Variants in NLRX1 observed in about 807,000 individuals in gnomAD.
NLRX1 encodes the protein NOD-like receptor X1.
Under a neutral mutation model 74.2 loss-of-function variants are expected in NLRX1, and 67 were observed. That is an observed-to-expected ratio of 0.90 (90% CI 0.74 to 1.11). The LOEUF is 1.11. Ranked by LOEUF, NLRX1 falls within the 50% of genes least tolerant of loss-of-function variation. NLRX1 has a pLI of 0.00. For missense variants in NLRX1, 1,191 were observed against 1,305.4 expected (o/e 0.91, Z 1.35); for synonymous variants, 506 against 559.1 (o/e 0.91, Z 1.34).
intron 1 of NLRX1, among the ~76,000 whole-genome samples, chr11:119,170,039 T>C (rs1195518520): frequency 7.6e-6 from 1 of 131,534 alleles, no homozygotes; most frequent in Non-Finnish European, 1.6e-5. Flanking sequence ...AAAAAATTGG[T>C]TGGGACTCTA....
Position 119,174,493 on chromosome 11 carries a change from G to A in NLRX1, c.890G>A (p.Arg297His), listed in dbSNP as rs750925908. The A allele has an allele frequency of 1.9e-5, 30 of 1,614,022 alleles. No individual in the cohort carries two copies. Among genetic ancestry groups the A allele is most frequent in the South Asian group, 4.4e-5 (4 of 91,088 alleles). Residue 297 changes from arginine to histidine, a missense_variant, in exon 6 of 10, where the codon CGT becomes CAT. Transcript: ENST00000409109. ...ACCACTCGGCCCTCTGCCATTGGCC[G>A]TATCCCCAGCAAGTACGTGGGCCGC... ...LVTTRPSAIG[R>H]IPSKYVGRYG...
chr11:119,180,052 C>A lies in NLRX1; in HGVS notation c.2031C>A (p.Asp677Glu). Reference sequence around the variant, plus strand: ...TGCTGCCCCCATCAGAGCTCCTTGACCACCTCTTCTTCCACTATGAGTTCC... The same window carrying A: ...TGCTGCCCCCATCAGAGCTCCTTGAACACCTCTTCTTCCACTATGAGTTCC... ...RQVLPPSELL[D>E]HLFFHYEFQN... is the part of the protein sequence containing the mutation. The change falls in exon 7 of 10, where the codon GAC becomes GAA. Residue 677 changes from aspartate (D) to glutamate (E), a missense_variant. Transcript: ENST00000409109. The A allele has an allele frequency of 6.2e-7, 1 of 1,613,652 alleles. No homozygotes were observed. The highest frequency in any genetic ancestry group is 8.5e-7 in the Non-Finnish European group (1 of 1,180,020).
Position 119,182,165 on chromosome 11 carries a change from T to C in NLRX1, c.2426T>C (p.Val809Ala). The C allele has an allele frequency of 6.2e-7, 1 of 1,614,112 alleles. No homozygotes were observed. The highest frequency in any genetic ancestry group is 8.5e-7 in the Non-Finnish European group (1 of 1,180,032). Residue 809 changes from valine to alanine, a missense_variant, in exon 9 of 10, where the codon GTG becomes GCG. Transcript: ENST00000409109. ...LMEGLAGNTS[V>A]THLSLLHTGL... ...GAGGGGCTGGCAGGAAACACCTCAGTGACGCACCTGTCCCTGCTGCACACG... is the reference window on the plus strand; with the variant it reads ...GAGGGGCTGGCAGGAAACACCTCAGCGACGCACCTGTCCCTGCTGCACACG...
Position 119,184,000 on chromosome 11 carries a change from C to A in NLRX1, c.*561C>A, listed in dbSNP as rs369597533. The A allele has an allele frequency of 5.5e-4, 408 of 737,998 alleles. No individual in the cohort carries two copies. The highest frequency in any genetic ancestry group is 9.3e-4 in the Non-Finnish European group (366 of 393,594). 45.7% of individuals were successfully genotyped at this position (737,998 alleles called of 1,614,324 possible). On this transcript the variant is annotated 3_prime_UTR_variant, in exon 10 of 10. Transcript: ENST00000409109. This position sits in a 1 kb window ranked among gnomAD's most constrained non-coding sequence, Gnocchi z 5.7. ...ACCTGACTTGCTGCTATTAAAAAGCCGTGTGCCTTCTACCAATTGTGGCCT... is the reference window on the plus strand; with the variant it reads ...ACCTGACTTGCTGCTATTAAAAAGCAGTGTGCCTTCTACCAATTGTGGCCT...
Position 119,173,195 on chromosome 11 carries a change from G to A in NLRX1, c.229+206G>A. 2 of 614,742 alleles carry A rather than the reference G, an allele frequency of 3.3e-6. No individual in the cohort carries two copies. Among genetic ancestry groups the A allele is most frequent in the Non-Finnish European group, 2.9e-6 (1 of 347,290 alleles). The allele number at this position is 614,742 out of a possible 1,614,324, so 38.1% of individuals were successfully genotyped here. Reference sequence around the variant, plus strand: ...CACTTATATGTACAAAGCGCTAGGAGAGCCATACCATCCCTATGCTCAACA... The same window carrying A: ...CACTTATATGTACAAAGCGCTAGGAAAGCCATACCATCCCTATGCTCAACA... On this transcript the variant is annotated intron_variant, in intron 4 of 9. Coordinates refer to ENST00000409109, the MANE Select transcript of NLRX1 (RefSeq NM_001282144.2). The surrounding 1 kb of genome is among the most constrained non-coding windows in gnomAD (Gnocchi z 4.0).
chr11:119,182,214 G>T lies in NLRX1; in HGVS notation c.2475G>T (p.Glu825Asp), dbSNP rs1475540784. The T allele has an allele frequency of 2.0e-5, 33 of 1,613,894 alleles. No homozygotes were observed. Among genetic ancestry groups the T allele is most frequent in the Non-Finnish European group, 2.7e-5 (32 of 1,180,044 alleles). Residue 825 changes from glutamate (E) to aspartate (D), a missense_variant, in exon 9 of 10, where the codon GAG (glutamate) becomes GAT (aspartate). Glu to Asp is a conservative substitution (Grantham distance 45). Transcript: ENST00000409109. ...CGGGCCTTGGGGACGAAGGCCTGGA[G>T]CTGCTGGCTGCCCAGCTGGACCGCA... is the stretch of plus-strand genomic sequence containing the variant. Reference protein sequence around the residue: ...LHTGLGDEGLELLAAQLDRNR... With the variant: ...LHTGLGDEGLDLLAAQLDRNR...
chr11:119,184,005 G>T lies in NLRX1; in HGVS notation c.*566G>T. The stretch of plus-strand genomic sequence containing the variant: ...ACTTGCTGCTATTAAAAAGCCGTGT[G>T]CCTTCTACCAATTGTGGCCTCTTCT... On this transcript the variant is annotated 3_prime_UTR_variant, in exon 10 of 10. Coordinates refer to ENST00000409109, the MANE Select transcript of NLRX1 (RefSeq NM_001282144.2). 1 of 730,992 alleles carries T rather than the reference G, an allele frequency of 1.4e-6. No homozygotes were observed. The highest frequency in any genetic ancestry group is 2.6e-6 in the Non-Finnish European group (1 of 389,906). 45.3% of individuals were successfully genotyped at this position (730,992 alleles called of 1,614,324 possible). A position where few individuals can be genotyped will look rare whatever the true frequency, so the allele number is the denominator to read the frequency against.
chr11:119,178,071 G>C (rs2135180163), intron 6 of NLRX1: 1 of 152,326 alleles, frequency 6.6e-6, no homozygotes, highest in Non-Finnish European at 1.5e-5. Context: ...AGGAGGCCAA[G>C]GCAGGAGGAT....
chr11:119,179,528 A>G (rs1363344357), intron 6 of NLRX1, among the ~76,000 whole-genome samples, 165 bp from the exon 7 acceptor site: 1 of 152,216 alleles, frequency 6.6e-6, no homozygotes, highest in Non-Finnish European at 1.5e-5. Flanking sequence ...GTAGGGAGCC[A>G]TGGAAGGTGT....
chr11:119,176,225 A>G, intron 6 of NLRX1, among the ~76,000 whole-genome samples: 1 of 152,074 alleles, frequency 6.6e-6, no homozygotes, highest in East Asian at 1.9e-4. Flanking sequence ...GAATTTCAAC[A>G]CTTTTTAAAA....
rs756553107 is a variant in NLRX1, at chr11:119,172,999, C to T, written c.229+10C>T. ...AGCGCCTCTGCAACTGGTAAAGGGA[C>T]TGGCTGGGACCCTGGTCAGGGGGTG... On this transcript the variant is annotated intron_variant, in intron 4 of 9. Coordinates refer to ENST00000409109, the MANE Select transcript of NLRX1 (RefSeq NM_001282144.2). 1 of 1,606,270 alleles carries T rather than the reference C, an allele frequency of 6.2e-7. No individual in the cohort carries two copies. Among genetic ancestry groups the T allele is most frequent in the Admixed American group, 1.7e-5 (1 of 59,474 alleles).
At chr11:119,174,309 A>C (rs1192502747) in intron 5 of NLRX1, 144 bp from the exon 6 acceptor site, 2 of 1,020,132 alleles carry the variant, frequency 2.0e-6, no homozygotes, top group African/African-American at 3.2e-5. Context: ...GGATCACAGC[A>C]GGTGTTCAGT....
chr11:119,176,885 C>G (rs1003513452), intron 6 of NLRX1, among the ~76,000 whole-genome samples: 2 of 152,066 alleles, frequency 1.3e-5, no homozygotes, highest in East Asian at 3.9e-4. Context: ...GATTTGGTAA[C>G]TCAGCTATTT....
intron 6 of NLRX1, among the ~76,000 whole-genome samples, chr11:119,176,286 G>A (rs1174873131): frequency 6.6e-6 from 1 of 152,064 alleles, no homozygotes; most frequent in Non-Finnish European, 1.5e-5. Context: ...TTACTCTGTT[G>A]CCCAGGCCTA....
At chr11:119,177,367 C>T (rs1423480849) in intron 6 of NLRX1, among the ~76,000 whole-genome samples, 1 of 151,814 alleles carries the variant, frequency 6.6e-6, no homozygotes, top group East Asian at 2.0e-4. Flanking sequence ...CAGGAGTGAG[C>T]CACCACGCCC....
In NLRX1 at chr11:119,183,728, C is replaced by T. The variant is rs994025018; in HGVS notation, c.*289C>T. 5.2e-6 allele frequency: 4 copies of T among 775,238 alleles called. No homozygotes were observed. Among genetic ancestry groups the T allele is most frequent in the Non-Finnish European group, 9.6e-6 (4 of 417,340 alleles). The allele number at this position is 775,238 out of a possible 1,614,324, so 48.0% of individuals were successfully genotyped here. The stretch of plus-strand genomic sequence containing the variant: ...GTGGCATTTGGATGGCCAGAGTGCC[C>T]TGAAGCACCACTACCAACCTTGCCT... On this transcript the variant is annotated 3_prime_UTR_variant, in exon 10 of 10. Transcript: ENST00000409109. This position sits in a 1 kb window ranked among gnomAD's most constrained non-coding sequence, Gnocchi z 5.7.
At chr11:119,176,323 C>T (rs1948702495) in intron 6 of NLRX1, among the ~76,000 whole-genome samples, 1 of 152,188 alleles carries the variant, frequency 6.6e-6, no homozygotes, top group South Asian at 2.1e-4. Flanking sequence ...TCATAGCTCA[C>T]TGCAGCTTCG....
chr11:119,171,016 G>A (rs1480405612), intron 1 of NLRX1, among the ~76,000 whole-genome samples: 2 of 152,158 alleles, frequency 1.3e-5, no homozygotes, highest in Non-Finnish European at 2.9e-5. Flanking sequence ...GGTGGTGGGC[G>A]CCTGTAATCC....
At chr11:119,176,358 C>T (rs1948704057) in intron 6 of NLRX1, among the ~76,000 whole-genome samples, 1 of 152,184 alleles carries the variant, frequency 6.6e-6, no homozygotes, top group Non-Finnish European at 1.5e-5. Flanking sequence ...AGCAATCCTC[C>T]CACCTCAACT....
Sources: allele counts gnomAD v4.1 joint callset (sites outside exome capture counted in the v4.1 genomes callset), GRCh38; gene constraint gnomAD v4.1.1; non-coding constraint Gnocchi (gnomAD v3.1); transcripts MANE v1.5; gene names NCBI Gene and HGNC (gene_info 2026-07-23, HGNC 2026-07-21).